The following SLC24A4 variants were observed in gnomAD, a reference collection of about 807,000 sequenced individuals.
SLC24A4 encodes sodium/potassium/calcium exchanger 4.
A neutral mutation model predicts 79.0 loss-of-function variants in SLC24A4; 53 were observed. The ratio of observed to expected loss-of-function variants is 0.67; its 90% CI spans 0.54 to 0.84. The LOEUF (loss-of-function observed/expected upper bound fraction) is 0.84. Among genes scored for constraint, SLC24A4 ranks in the 40% least tolerant of loss-of-function variants. The pLI is 0.00. For missense variants in SLC24A4, 731 were observed against 822.0 expected (o/e 0.89, Z 1.35); for synonymous variants, 323 against 323.8 (o/e 1.00, Z 0.03).
intron 2 of SLC24A4, among the ~76,000 whole-genome samples, chr14:92,392,858 C>T (rs562010786): frequency 5.3e-5 from 8 of 152,242 alleles, no homozygotes; most frequent in African/African-American, 1.9e-4. Context: ...ACATGGGAGG[C>T]GCCATCTATG....
At chr14:92,378,225 A>G (rs1888628589) in intron 2 of SLC24A4, among the ~76,000 whole-genome samples, 2 of 152,134 alleles carry the variant, frequency 1.3e-5, no homozygotes, top group South Asian at 4.1e-4. Flanking sequence ...GTTTGCAGCT[A>G]TTATGAATAA....
intron 12 of SLC24A4, among the ~76,000 whole-genome samples, chr14:92,475,100 A>C (rs1306133152): frequency 6.6e-6 from 1 of 151,746 alleles, no homozygotes; most frequent in Non-Finnish European, 1.5e-5. Flanking sequence ...CATGTTCCCA[A>C]GTCCCCAGTG....
chr14:92,442,968 A>G lies in SLC24A4; in HGVS notation c.582+152A>G, dbSNP rs1892588537. ...TTTGGGGCCTGGTTTTGGCCTCTCC[A>G]ACAGGGAGCATGAAGCTGGATTGTC... On this transcript the variant is annotated intron_variant, in intron 6 of 16. Coordinates refer to ENST00000532405, the MANE Select transcript of SLC24A4 (RefSeq NM_153646.4). 10 of 634,850 alleles carry G rather than the reference A, an allele frequency of 1.6e-5. No individual in the cohort carries two copies. In the South Asian group the frequency reaches 1.9e-4, roughly 12 times the overall value. 39.3% of individuals were successfully genotyped at this position (634,850 alleles called of 1,614,324 possible).
intron 12 of SLC24A4, among the ~76,000 whole-genome samples, chr14:92,472,773 A>T (rs1266451693): frequency 1.3e-5 from 2 of 152,154 alleles, no homozygotes; most frequent in African/African-American, 4.8e-5. Context: ...TTTTTCACAT[A>T]ATGAGTTCTT....
chr14:92,424,223 C>G (rs1382163277), intron 2 of SLC24A4, among the ~76,000 whole-genome samples: 1 of 152,116 alleles, frequency 6.6e-6, no homozygotes, highest in Non-Finnish European at 1.5e-5. Flanking sequence ...AATTGTGTCT[C>G]TCTAAGTTCG....
At chr14:92,324,128 G>C (rs1351741392) in intron 1 of SLC24A4, among the ~76,000 whole-genome samples, 168 bp downstream of exon 1, 2 of 152,218 alleles carry the variant, frequency 1.3e-5, no homozygotes. Flanking sequence ...AGAGCTGATG[G>C]ACGCTCTGGG....
At chr14:92,405,591 G>A (rs1230400265) in intron 2 of SLC24A4, among the ~76,000 whole-genome samples, 1 of 152,238 alleles carries the variant, frequency 6.6e-6, no homozygotes, top group African/African-American at 2.4e-5. Flanking sequence ...AAGCATGACT[G>A]GGAGGCCTAA....
chr14:92,496,292 A>C lies in SLC24A4; in HGVS notation c.*2664A>C, dbSNP rs1895917846. The stretch of plus-strand genomic sequence containing the variant: ...GTGGAAAATTCTCTTTTTTAACTAA[A>C]TATTTTTCCATCACAAATTTAAAGA... On this transcript the variant is annotated 3_prime_UTR_variant, in exon 17 of 17. Coordinates refer to ENST00000532405, the MANE Select transcript of SLC24A4 (RefSeq NM_153646.4). 1 of 152,632 alleles carries C rather than the reference A, an allele frequency of 6.6e-6. No individual in the cohort carries two copies. Among genetic ancestry groups the C allele is most frequent in the Admixed American group, 6.5e-5 (1 of 15,284 alleles). 9.5% of individuals were successfully genotyped at this position (152,632 alleles called of 1,614,324 possible). A position where few individuals can be genotyped will look rare whatever the true frequency, so the allele number is the denominator to read the frequency against.
chr14:92,478,703 A>T (rs538548073), intron 12 of SLC24A4, among the ~76,000 whole-genome samples: 2 of 149,040 alleles, frequency 1.3e-5, no homozygotes, highest in South Asian at 2.1e-4. Context: ...TTATATTTTC[A>T]TATGAATTTT....
intron 1 of SLC24A4, among the ~76,000 whole-genome samples, chr14:92,324,896 C>A (rs941646626): frequency 1.3e-5 from 2 of 152,144 alleles, no homozygotes; most frequent in Admixed American, 1.3e-4. Flanking sequence ...GAGGTGTACA[C>A]TGATAGGTAA....
chr14:92,378,206 G>A lies in SLC24A4; in HGVS notation c.241+52228G>A, dbSNP rs561444854. Among the ~76,000 whole-genome samples, 18 of 152,248 alleles carry A rather than the reference G, an allele frequency of 1.2e-4. 1 individual carries two copies. The South Asian group carries it at 3.5e-3, about 30-fold the overall frequency. ...TGGCTTGTCAGCTCAACTATTGAACGTTGAGGTTGTTTGCAGCTATTATGA... is the reference window on the plus strand; with the variant it reads ...TGGCTTGTCAGCTCAACTATTGAACATTGAGGTTGTTTGCAGCTATTATGA... On this transcript the variant is annotated intron_variant, in intron 2 of 16. Transcript: ENST00000532405.
chr14:92,422,366 C>A (rs1341492516), intron 2 of SLC24A4, among the ~76,000 whole-genome samples: 1 of 152,228 alleles, frequency 6.6e-6, no homozygotes, highest in East Asian at 1.9e-4. Flanking sequence ...AGAAATTTCA[C>A]ATGAGAAACT....
At chr14:92,432,982 T>C (rs890209264) in intron 2 of SLC24A4, among the ~76,000 whole-genome samples, 6 of 152,184 alleles carry the variant, frequency 3.9e-5, no homozygotes, top group Non-Finnish European at 8.8e-5. Context: ...ACGATACATA[T>C]TGTTATTTTT....
At chr14:92,399,713 G>A (rs539687738) in intron 2 of SLC24A4, among the ~76,000 whole-genome samples, 2 of 152,338 alleles carry the variant, frequency 1.3e-5, no homozygotes, top group South Asian at 4.1e-4. Context: ...GGTAACCAGC[G>A]CATTGTCCCA....
At chr14:92,436,518 T>C (rs1892177868) in intron 3 of SLC24A4, among the ~76,000 whole-genome samples, 1 of 152,208 alleles carries the variant, frequency 6.6e-6, no homozygotes, top group South Asian at 2.1e-4. Flanking sequence ...AGCAGAATAG[T>C]TGTGGAAGTG....
rs557727247 is a variant in SLC24A4 at position 92,337,706 on chromosome 14, T to G, written c.241+11728T>G. Among the ~76,000 whole-genome samples the G allele has an allele frequency of 9.9e-5, 15 of 152,206 alleles. No individual in the cohort carries two copies. In the South Asian group the frequency reaches 2.9e-3, roughly 29 times the overall value. ...GTATCTGCCTGCCACTCAATAAGAG[T>G]GTGTGTGCATGGGAGTGCTTGTACA... On this transcript the variant is annotated intron_variant, in intron 2 of 16. Transcript: ENST00000532405.
At chr14:92,455,162 C>T (rs546857364) in intron 11 of SLC24A4, among the ~76,000 whole-genome samples, 1 of 152,254 alleles carries the variant, frequency 6.6e-6, no homozygotes, top group South Asian at 2.1e-4. Flanking sequence ...CTGGAGAAGC[C>T]GGGTCCAGAA....
rs1896060284 is a variant in SLC24A4 at position 92,499,432 on chromosome 14, G to A, written c.*5804G>A. The A allele has an allele frequency of 6.6e-6, 1 of 152,176 alleles. No homozygotes were observed. Among genetic ancestry groups the A allele is most frequent in the Admixed American group, 6.5e-5 (1 of 15,282 alleles). The allele number at this position is 152,176 out of a possible 1,614,324, so 9.4% of individuals were successfully genotyped here. Reference sequence around the variant, plus strand: ...TTCTATCCCTTGGATTTACAGGTCTGGGAATTGGCTGCTTCTTAGTTATAA... The same window carrying A: ...TTCTATCCCTTGGATTTACAGGTCTAGGAATTGGCTGCTTCTTAGTTATAA... On this transcript the variant is annotated 3_prime_UTR_variant, in exon 17 of 17. Transcript: ENST00000532405.
chr14:92,386,548 C>CCTGA (rs1889169224), intron 2 of SLC24A4, among the ~76,000 whole-genome samples: 1 of 152,114 alleles, frequency 6.6e-6, no homozygotes, highest in Non-Finnish European at 1.5e-5. Context: ...TATCACAGTG[C>CCTGA]CTGACACATG....
Sources: allele counts gnomAD v4.1 joint callset (sites outside exome capture counted in the v4.1 genomes callset), GRCh38; gene constraint gnomAD v4.1.1; transcripts MANE v1.5; gene names NCBI Gene and HGNC (gene_info 2026-07-23, HGNC 2026-07-21).